Variants in GLS2 observed in about 807,000 individuals in gnomAD.
GLS2 encodes glutaminase 2.
In GLS2, 52 loss-of-function variants were observed where a neutral mutation model predicts 79.0. That is an observed-to-expected ratio of 0.66 (90% CI 0.53 to 0.83). The LOEUF (loss-of-function observed/expected upper bound fraction) is 0.83, where lower values mean the gene tolerates loss of function less well. Ranked by LOEUF, GLS2 falls within the 40% of genes least tolerant of loss-of-function variation. GLS2 has a pLI of 0.00. For synonymous variants in GLS2, 238 were observed against 280.8 expected, an observed-to-expected ratio of 0.85 and a Z score of 1.52; for missense variants, 561 against 764.8, an observed-to-expected ratio of 0.73 and a Z score of 3.14.
At position 56,477,700 on chromosome 12, in the gene GLS2, A is replaced by C. The variant is rs758851221; in HGVS notation, c.797T>G (p.Met266Arg). The C allele has an allele frequency of 3.7e-6, 6 of 1,613,240 alleles. No individual in the cohort carries two copies. In the South Asian group the frequency reaches 4.4e-5, roughly 12 times the overall value. ...LNEEGIPHNPMVNAGAIVVSS... is the reference protein window; with the variant it reads ...LNEEGIPHNPRVNAGAIVVSS... ...GACAACAATGGCACCAGCATTGACCATGGGGTTATGGGGGATTCCTGGGGA... is the reference window on the plus strand; with the variant it reads ...GACAACAATGGCACCAGCATTGACCCTGGGGTTATGGGGGATTCCTGGGGA... The change falls in exon 7 of 18, where the codon ATG becomes AGG. Residue 266 changes from methionine to arginine, a missense_variant. Transcript: ENST00000311966.
At chr12:56,479,551 ATTTAC>A (rs1592279532) in intron 3 of GLS2, 6 of 472,724 alleles carry the variant, frequency 1.3e-5, no homozygotes, top group East Asian at 1.1e-4. Flanking sequence ...ATCTGCTAAT[ATTTAC>A]TTCTGGGAAA....
intron 8 of GLS2, 100 bp downstream of exon 8, chr12:56,475,845 G>C: frequency 7.0e-7 from 1 of 1,423,778 alleles, no homozygotes; most frequent in Non-Finnish European, 9.9e-7. Context: ...AGTATGGGCT[G>C]GTGCACCTGG....
intron 6 of GLS2, 72 bp downstream of exon 6, chr12:56,477,860 AG>A: frequency 6.4e-7 from 1 of 1,559,822 alleles, no homozygotes; most frequent in East Asian, 2.3e-5. Flanking sequence ...GAAACAAAAA[AG>A]GCTGGGAGAT....
rs1869955994 is a variant in GLS2 at position 56,477,832 on chromosome 12, C to A, written c.778+101G>T. 2.6e-6 allele frequency: 4 copies of A among 1,541,444 alleles called. No individual in the cohort carries two copies. The South Asian group carries it at 3.6e-5, about 14-fold the overall frequency. ...TGCTAGGGAGAAAGGCATGACAGGG[C>A]TAATCAGGAAGGGCAGAGAAACAAA... On this transcript the variant is annotated intron_variant, in intron 6 of 17. Coordinates refer to ENST00000311966, the MANE Select transcript of GLS2 (RefSeq NM_013267.4).
intron 15 of GLS2, 131 bp from the exon 16 acceptor site, chr12:56,472,326 T>C: frequency 1.3e-6 from 1 of 753,972 alleles, no homozygotes; most frequent in Non-Finnish European, 2.2e-6. Context: ...TTGTTGGCTC[T>C]GAATAATCTT....
chr12:56,473,811 C>T (rs1869531500), intron 12 of GLS2: 2 of 556,878 alleles, frequency 3.6e-6, no homozygotes, highest in South Asian at 3.0e-5. Context: ...ATACTTACAG[C>T]ATTCTGTGCT....
At chr12:56,478,579 T>C in intron 4 of GLS2, 1 of 337,728 alleles carries the variant, frequency 3.0e-6, no homozygotes, top group East Asian at 6.4e-5. Flanking sequence ...CTATTCGATC[T>C]TGATTCCCTC....
At chr12:56,487,665 C>G (rs1445194514) in intron 1 of GLS2, 2 of 518,092 alleles carry the variant, frequency 3.9e-6, no homozygotes, top group Non-Finnish European at 6.8e-6. Flanking sequence ...AAGCAACACT[C>G]GGCGCGCATC....
At chr12:56,476,026 A>T (rs1301055880) in intron 7 of GLS2, 49 bp from the exon 8 acceptor site, 2 of 1,583,282 alleles carry the variant, frequency 1.3e-6, no homozygotes, top group African/African-American at 1.3e-5. Flanking sequence ...GGAGGATGAC[A>T]GAGGGAAGGG....
intron 1 of GLS2, among the ~76,000 whole-genome samples, chr12:56,482,262 G>A (rs1266426684): frequency 6.6e-6 from 1 of 151,966 alleles, no homozygotes; most frequent in Non-Finnish European, 1.5e-5. Context: ...AATAAAACCT[G>A]CCCACTTAAC....
Position 56,479,833 on chromosome 12 carries a change from G to A in GLS2, c.351C>T (p.Arg117=), listed in dbSNP as rs763077587. The A allele has an allele frequency of 5.0e-6, 8 of 1,612,194 alleles. No individual in the cohort carries two copies. Among genetic ancestry groups the A allele is most frequent in the South Asian group, 2.2e-5 (2 of 90,988 alleles). The part of the protein sequence containing the change: ...RLRDCMSEMH[R]VVQESSSGGL... ...CACCACTACTGGACTCTTGGACCAC[G>A]CGGTGCATCTCGCTCATGCAGTCTC... Residue 117 remains arginine, a synonymous_variant, in exon 3 of 18, where the codon CGC becomes CGT. Transcript: ENST00000311966.
At chr12:56,473,354 C>A in intron 13 of GLS2, 34 bp from the exon 14 acceptor site, 1 of 1,610,500 alleles carries the variant, frequency 6.2e-7, no homozygotes, top group Non-Finnish European at 8.5e-7. Flanking sequence ...TGTTTATTTA[C>A]TCCTTACACT....
chr12:56,477,512 G>T, intron 7 of GLS2, 148 bp downstream of exon 7: 1 of 715,028 alleles, frequency 1.4e-6, no homozygotes, highest in Non-Finnish European at 2.4e-6. Context: ...TAACATGTGG[G>T]TCCCTGCTGT....
rs1403435479 is a variant in GLS2 at position 56,479,064 on chromosome 12, G to A, written c.522C>T (p.Leu174=). The A allele has an allele frequency of 1.2e-6, 2 of 1,613,024 alleles. No individual in the cohort carries two copies. Among genetic ancestry groups the A allele is most frequent in the South Asian group, 2.2e-5 (2 of 90,990 alleles). ...CCCTGACTCTCACTTTGCCTCCAGTGAGCTCTTTGACATCCTCAAAGATGC... is the reference window on the plus strand; with the variant it reads ...CCCTGACTCTCACTTTGCCTCCAGTAAGCTCTTTGACATCCTCAAAGATGC... The part of the protein sequence containing the change: ...VDRIFEDVKE[L]TGGKVAAYIP... Residue 174 remains leucine, a synonymous_variant, in exon 4 of 18, where the codon CTC becomes CTT. Transcript: ENST00000311966.
At chr12:56,472,282 G>A in intron 15 of GLS2, 87 bp from the exon 16 acceptor site, 1 of 1,252,624 alleles carries the variant, frequency 8.0e-7, no homozygotes, top group South Asian at 1.2e-5. Context: ...GACTGGATGA[G>A]TTTCAGAGAA....
At chr12:56,483,324 C>T (rs1462664049) in intron 1 of GLS2, among the ~76,000 whole-genome samples, 1 of 151,954 alleles carries the variant, frequency 6.6e-6, no homozygotes, top group Admixed American at 6.6e-5. Context: ...TGTGATCCGC[C>T]TGCCTCCCCC....
intron 1 of GLS2, among the ~76,000 whole-genome samples, chr12:56,485,143 A>G (rs2136196376): frequency 6.6e-6 from 1 of 152,352 alleles, no homozygotes; most frequent in East Asian, 1.9e-4. Flanking sequence ...TATGACTATT[A>G]TCCCATTTTT....
rs144530768 is a variant in GLS2, at chr12:56,473,481, C to T, written c.1338G>A (p.Arg446=). 25 of 1,613,892 alleles carry T rather than the reference C, an allele frequency of 1.5e-5. No homozygotes were observed. The African/African-American group carries it at 2.8e-4, about 18-fold the overall frequency. Residue 446 remains arginine (R), a synonymous_variant, in exon 13 of 18, where the codon AGG becomes AGA. Transcript: ENST00000311966. The stretch of plus-strand genomic sequence containing the variant: ...ATCTCACCTGGCAGAAGCTGGTCCC[C>T]CTATGGCTGTTCCCCAGCTTGTCCA... ...PPLDKLGNSH[R]GTSFCQKLVS...
At chr12:56,477,846 C>G in intron 6 of GLS2, 87 bp downstream of exon 6, 1 of 1,549,124 alleles carries the variant, frequency 6.5e-7, no homozygotes, top group South Asian at 1.2e-5. Context: ...TCAGGAAGGG[C>G]AGAGAAACAA....
Sources: allele counts gnomAD v4.1 joint callset (sites outside exome capture counted in the v4.1 genomes callset), GRCh38; gene constraint gnomAD v4.1.1; transcripts MANE v1.5; gene names NCBI Gene and HGNC (gene_info 2026-07-23, HGNC 2026-07-21).